The following RFC1 variants were observed in gnomAD, a reference collection of about 807,000 sequenced individuals.
RFC1 encodes the protein A1 140 kDa subunit.
In RFC1, 37 loss-of-function variants were observed where a neutral mutation model predicts 137.4. The ratio of observed to expected loss-of-function variants is 0.27; its 90% CI spans 0.21 to 0.35. The LOEUF is 0.35. Among genes scored for constraint, RFC1 ranks in the 10% least tolerant of loss-of-function variants. The pLI, the probability that RFC1 is intolerant of heterozygous loss-of-function variation, is 1.00. For missense variants in RFC1, 1,205 were observed against 1,358.5 expected (o/e 0.89, Z 1.78); for synonymous variants, 429 against 455.7 (o/e 0.94, Z 0.75).
At chr4:39,324,963 CTT>C (rs894252165) in intron 6 of RFC1, among the ~76,000 whole-genome samples, 1 of 152,192 alleles carries the variant, frequency 6.6e-6, no homozygotes, top group African/African-American at 2.4e-5. Context: ...CCCTGAAATA[CTT>C]TCTTTGGCTT....
Position 39,288,758 on chromosome 4 carries a change from G to A in RFC1, c.*3C>T, listed in dbSNP as rs766573695. On this transcript the variant is annotated 3_prime_UTR_variant, in exon 25 of 25. Transcript: ENST00000349703. ...AAGTGGCTGTCGCTAGTGAAAAATG[G>A]TTTCATTTCTTCGAACTTTTTCCTT... is the stretch of plus-strand genomic sequence containing the variant. 6.3e-7 allele frequency: 1 copy of A among 1,599,658 alleles called. No individual in the cohort carries two copies. Among genetic ancestry groups the A allele is most frequent in the South Asian group, 1.1e-5 (1 of 90,608 alleles).
intron 1 of RFC1, among the ~76,000 whole-genome samples, chr4:39,359,516 T>G (rs1381356557): frequency 1.3e-5 from 2 of 152,094 alleles, no homozygotes. Flanking sequence ...AGCTAAGCTA[T>G]GAGGATGCAA....
intron 14 of RFC1, 100 bp downstream of exon 14, chr4:39,306,488 CCACA>C (rs3830271): frequency 1.7e-6 from 1 of 585,632 alleles, no homozygotes; most frequent in Non-Finnish European, 3.1e-6. Context: ...TATATAGACA[CCACA>C]CACACACATG....
intron 21 of RFC1, among the ~76,000 whole-genome samples, 170 bp downstream of exon 21, chr4:39,299,851 G>A (rs1023453688): frequency 6.6e-6 from 1 of 151,922 alleles, no homozygotes. Flanking sequence ...GGAGGCAGAG[G>A]CTCCAGTGAG....
chr4:39,295,136 T>C (rs912569632), intron 22 of RFC1, among the ~76,000 whole-genome samples: 1 of 152,260 alleles, frequency 6.6e-6, no homozygotes, highest in Non-Finnish European at 1.5e-5. Flanking sequence ...AGCACATTCA[T>C]TTTCAATGAT....
intron 2 of RFC1, 50 bp from the exon 3 acceptor site, chr4:39,345,526 CT>C (rs760892775): frequency 0.058 from 62,321 of 1,082,240 alleles, no homozygotes; most frequent in South Asian, 0.079. Flanking sequence ...ATATAACTAT[CT>C]TTTTTTTTTT....
chr4:39,338,687 C>T (rs893972753), intron 4 of RFC1, among the ~76,000 whole-genome samples: 10 of 152,094 alleles, frequency 6.6e-5, no homozygotes, highest in African/African-American at 2.4e-4. Context: ...TCAGGGGATA[C>T]ACAGATAGTA....
At chr4:39,350,300 AAG>A (rs1260992460) in intron 2 of RFC1, among the ~76,000 whole-genome samples, 1 of 152,132 alleles carries the variant, frequency 6.6e-6, no homozygotes, top group African/African-American at 2.4e-5. Context: ...TCAAGAAGAG[AAG>A]AGAGAGAATG....
intron 13 of RFC1, among the ~76,000 whole-genome samples, chr4:39,308,434 C>G (rs988475655): frequency 2.6e-5 from 4 of 152,160 alleles, no homozygotes; most frequent in African/African-American, 7.2e-5. Context: ...ATGCCTCCCC[C>G]ACTGCCTGTG....
intron 4 of RFC1, among the ~76,000 whole-genome samples, chr4:39,330,850 G>A (rs530320636): frequency 6.6e-6 from 1 of 151,978 alleles, no homozygotes; most frequent in Non-Finnish European, 1.5e-5. Flanking sequence ...ACAGATTTCA[G>A]TTCAACCACG....
chr4:39,327,422 T>G, intron 5 of RFC1, 102 bp downstream of exon 5: 1 of 581,088 alleles, frequency 1.7e-6, no homozygotes. Flanking sequence ...TTATTTTAAT[T>G]ATTAAAACAT....
At chr4:39,353,238 TA>T (rs1463890674) in intron 1 of RFC1, among the ~76,000 whole-genome samples, 6 of 151,660 alleles carry the variant, frequency 4.0e-5, no homozygotes. Flanking sequence ...CCATTTCTAC[TA>T]AAAATATGAA....
chr4:39,307,061 T>A (rs1027818416), intron 13 of RFC1, among the ~76,000 whole-genome samples: 1 of 152,080 alleles, frequency 6.6e-6, no homozygotes, highest in Non-Finnish European at 1.5e-5. Context: ...CGTGGGTACT[T>A]TAGAAGTGAC....
chr4:39,289,766 G>A, intron 24 of RFC1, 82 bp downstream of exon 24: 4 of 910,700 alleles, frequency 4.4e-6, no homozygotes, highest in South Asian at 2.8e-5. Flanking sequence ...ATTCTGCTAT[G>A]TGCTGAAAAG....
chr4:39,304,268 G>C (rs1298788958), intron 15 of RFC1, among the ~76,000 whole-genome samples: 2 of 152,198 alleles, frequency 1.3e-5, no homozygotes, highest in African/African-American at 2.4e-5. Flanking sequence ...CTGAAACACA[G>C]TGGGCATTTG....
rs1223487211 is a variant in RFC1 at position 39,308,788 on chromosome 4, T to C, written c.1733A>G (p.Glu578Gly). The change falls in exon 13 of 25, where the codon GAA becomes GGA. Residue 578 changes from glutamate to glycine, a missense_variant. Physicochemically the swap from Glu to Gly is moderately conservative, Grantham distance 98. Transcript: ENST00000349703. ...CCAGAGCAAATTTTCCACTTTGTTTTCACTGCTGTCATCAGCCAAATTCCT... is the reference window on the plus strand; with the variant it reads ...CCAGAGCAAATTTTCCACTTTGTTTCCACTGCTGTCATCAGCCAAATTCCT... ...KARNLADDSS[E>G]NKVENLLWVD... is the part of the protein sequence containing the mutation. 2 of 1,614,210 alleles carry C rather than the reference T, an allele frequency of 1.2e-6. No homozygotes were observed. Among genetic ancestry groups the C allele is most frequent in the South Asian group, 2.2e-5 (2 of 91,072 alleles).
At chr4:39,345,379 G>C (rs1247809293) in intron 3 of RFC1, 22 bp downstream of exon 3, 1 of 1,601,092 alleles carries the variant, frequency 6.2e-7, no homozygotes, top group Non-Finnish European at 8.5e-7. Flanking sequence ...AAATTTTAAA[G>C]CTCCTCAGAA....
At chr4:39,332,856 G>T (rs986814134) in intron 4 of RFC1, among the ~76,000 whole-genome samples, 1 of 152,172 alleles carries the variant, frequency 6.6e-6, no homozygotes, top group South Asian at 2.1e-4. Flanking sequence ...GGTGGCCCAC[G>T]CCTATAATCC....
chr4:39,362,060 T>TA (rs1392527669), intron 1 of RFC1, among the ~76,000 whole-genome samples: 8 of 151,970 alleles, frequency 5.3e-5, no homozygotes, highest in Admixed American at 3.9e-4. Context: ...TCAGTTCCAT[T>TA]AAAAAAATCA....
Sources: gnomAD v4.1 joint callset for allele counts (sites outside exome capture counted in the v4.1 genomes callset) on GRCh38, gnomAD v4.1.1 for gene constraint, MANE v1.5 for transcripts, NCBI Gene and HGNC (gene_info 2026-07-23, HGNC 2026-07-21) for gene names.